The following USP53 variants were observed in gnomAD, a reference collection of about 807,000 sequenced individuals.
USP53 encodes ubiquitin specific peptidase 53.
Under a neutral mutation model 94.9 loss-of-function variants are expected in USP53, and 71 were observed. The ratio of observed to expected loss-of-function variants is 0.75; its 90% confidence interval spans 0.62 to 0.91. The LOEUF (loss-of-function observed/expected upper bound fraction) is 0.91, where lower values mean the gene tolerates loss of function less well. USP53 is among the 40% of genes least tolerant of loss of function. USP53 has a pLI of 0.00. For synonymous variants in USP53, 375 were observed against 422.7 expected (o/e 0.89, Z 1.39); for missense variants, 1,173 against 1,281.0 (o/e 0.92, Z 1.29).
chr4:119,245,216 A>C, intron 5 of USP53, 121 bp from the exon 6 acceptor site: 3 of 768,966 alleles, frequency 3.9e-6, no homozygotes, highest in Non-Finnish European at 6.6e-6. Flanking sequence ...GATTATGTAC[A>C]GGCAATTAAA....
chr4:119,222,687 C>A (rs1236544556), intron 3 of USP53, among the ~76,000 whole-genome samples: 1 of 152,030 alleles, frequency 6.6e-6, no homozygotes, highest in Non-Finnish European at 1.5e-5. Flanking sequence ...TTTTCTTTAT[C>A]CATTCATCCA....
At chr4:119,288,869 C>T (rs1013425456) in intron 17 of USP53, among the ~76,000 whole-genome samples, 3 of 139,986 alleles carry the variant, frequency 2.1e-5, no homozygotes, top group Admixed American at 7.8e-5. Flanking sequence ...GCCTGGGAGG[C>T]GGAGGTTGCA....
chr4:119,293,806 A>C lies in USP53; in HGVS notation c.*595A>C, dbSNP rs190774391. 7.4e-6 allele frequency: 1 copy of C among 135,486 alleles called. No individual in the cohort carries two copies. The highest frequency in any genetic ancestry group is 1.6e-5 in the Non-Finnish European group (1 of 62,524). 8.4% of individuals were successfully genotyped at this position (135,486 alleles called of 1,614,324 possible). A position where few individuals can be genotyped will look rare whatever the true frequency, so the allele number is the denominator to read the frequency against. ...TTTTGACTTCTATGATAGTCACTGC[A>C]TATGATCCCTTTAAGTGTCTTTAAA... is the stretch of plus-strand genomic sequence containing the variant. On this transcript the variant is annotated 3_prime_UTR_variant, in exon 19 of 19. Coordinates refer to ENST00000692078, the MANE Select transcript of USP53 (RefSeq NM_001371395.1).
chr4:119,246,594 A>G (rs1748272401), intron 6 of USP53, among the ~76,000 whole-genome samples: 1 of 152,242 alleles, frequency 6.6e-6, no homozygotes, highest in African/African-American at 2.4e-5. Flanking sequence ...TTTACAGAGC[A>G]ATAAATAACT....
intron 17 of USP53, among the ~76,000 whole-genome samples, chr4:119,283,696 C>T (rs1753769730): frequency 6.6e-6 from 1 of 151,686 alleles, no homozygotes; most frequent in African/African-American, 2.4e-5. Context: ...ATGTATACAA[C>T]TAGATTTACT....
Position 119,225,234 on chromosome 4 carries a change from A to C in USP53, c.-665+7561A>C, listed in dbSNP as rs28871013. On this transcript the variant is annotated intron_variant, in intron 3 of 18. Transcript: ENST00000692078. The stretch of plus-strand genomic sequence containing the variant: ...GTCCTTTAAAGACACAAACTATGAA[A>C]GCTCACTCAAGAAGAAAAGAAAACC... Among the ~76,000 whole-genome samples, 427 of 152,328 alleles carry C rather than the reference A, an allele frequency of 2.8e-3. 2 individuals carry two copies. Among genetic ancestry groups the C allele is most frequent in the African/African-American group, 9.8e-3 (407 of 41,588 alleles).
intron 13 of USP53, 50 bp from the exon 14 acceptor site, chr4:119,268,218 T>C: frequency 7.4e-7 from 1 of 1,350,606 alleles, no homozygotes; most frequent in Non-Finnish European, 1.0e-6. Flanking sequence ...TTCAAACATC[T>C]CTTCTCATGG....
At chr4:119,253,747 T>C (rs1749365624) in intron 7 of USP53, among the ~76,000 whole-genome samples, 1 of 152,236 alleles carries the variant, frequency 6.6e-6, no homozygotes, top group African/African-American at 2.4e-5. Context: ...ATGTGTGAAT[T>C]TGATCCTGTC....
intron 3 of USP53, among the ~76,000 whole-genome samples, chr4:119,230,413 C>T (rs1281359864): frequency 6.6e-6 from 1 of 152,172 alleles, no homozygotes; most frequent in East Asian, 1.9e-4. Flanking sequence ...CCTGCCAGGG[C>T]TTCGGGAGAT....
intron 3 of USP53, among the ~76,000 whole-genome samples, chr4:119,234,487 A>G (rs1252178993): frequency 6.6e-6 from 1 of 152,248 alleles, no homozygotes; most frequent in African/African-American, 2.4e-5. Context: ...TCAGCAAACT[A>G]AGCCCCTTAA....
chr4:119,240,242 C>G (rs963637872), intron 5 of USP53, among the ~76,000 whole-genome samples: 3 of 152,024 alleles, frequency 2.0e-5, no homozygotes, highest in Non-Finnish European at 4.4e-5. Context: ...GTATATGGAT[C>G]CCTGTAGATA....
At position 119,292,856 on chromosome 4, in the gene USP53, C is replaced by T. The variant is rs1195879694; in HGVS notation, c.2867C>T (p.Ser956Phe). Residue 956 changes from serine (S) to phenylalanine (F), a missense_variant, in exon 19 of 19, where the codon TCT (serine) becomes TTT (phenylalanine). Transcript: ENST00000692078. ...CTTACAGAGGTGTTTAAAGCTACCT[C>T]TCATCTTCCGAAGCACAGTTTAAGT... ...VKLTEVFKAT[S>F]HLPKHSLSTA... The T allele has an allele frequency of 2.0e-5, 32 of 1,614,008 alleles. No homozygotes were observed. Among genetic ancestry groups the T allele is most frequent in the Non-Finnish European group, 2.5e-5 (30 of 1,179,984 alleles).
chr4:119,218,373 A>G (rs941903805), intron 3 of USP53: 7 of 152,222 alleles, frequency 4.6e-5, no homozygotes, highest in African/African-American at 1.7e-4. Context: ...ACCATGTCCT[A>G]TATTCTGGAT....
At chr4:119,253,430 G>A (rs1472092149) in intron 7 of USP53, among the ~76,000 whole-genome samples, 1 of 152,172 alleles carries the variant, frequency 6.6e-6, no homozygotes, top group South Asian at 2.1e-4. Context: ...ATTTAGGATA[G>A]TTAGCTCTTC....
chr4:119,221,663 CGAG>C (rs1246927617), intron 3 of USP53, among the ~76,000 whole-genome samples: 7 of 151,990 alleles, frequency 4.6e-5, no homozygotes, highest in Non-Finnish European at 7.4e-5. Context: ...CTTGAGCCTT[CGAG>C]GAGAATATGC....
chr4:119,270,478 C>G (rs1751714138), intron 15 of USP53, among the ~76,000 whole-genome samples: 1 of 152,126 alleles, frequency 6.6e-6, no homozygotes. Context: ...GTTCTTAATT[C>G]TAACCTGGGA....
At chr4:119,275,419 G>T (rs1400044621) in intron 17 of USP53, among the ~76,000 whole-genome samples, 3 of 133,780 alleles carry the variant, frequency 2.2e-5, no homozygotes, top group Non-Finnish European at 5.1e-5. Context: ...GATATGTGGC[G>T]TTATTTCTGA....
chr4:119,231,168 G>C (rs1746022288), intron 3 of USP53, among the ~76,000 whole-genome samples: 1 of 152,172 alleles, frequency 6.6e-6, no homozygotes, highest in South Asian at 2.1e-4. Flanking sequence ...TCTGGAATCA[G>C]AAAGTCCAAC....
At chr4:119,223,415 T>C (rs890407345) in intron 3 of USP53, among the ~76,000 whole-genome samples, 1 of 152,228 alleles carries the variant, frequency 6.6e-6, no homozygotes, top group African/African-American at 2.4e-5. Flanking sequence ...AATTAATTCC[T>C]TTAAATCTAA....
Sources: allele counts gnomAD v4.1 joint callset (sites outside exome capture counted in the v4.1 genomes callset), GRCh38; gene constraint gnomAD v4.1.1; transcripts MANE v1.5; gene names NCBI Gene and HGNC (gene_info 2026-07-23, HGNC 2026-07-21).